Variants in TMEM178B observed in about 807,000 individuals in gnomAD.
TMEM178B encodes the protein transmembrane protein 178B.
In TMEM178B, 5 loss-of-function variants were observed where a neutral mutation model predicts 31.0. The observed-to-expected ratio is 0.16, with a 90% confidence interval of 0.08 to 0.34. The LOEUF (loss-of-function observed/expected upper bound fraction) is 0.34, where lower values mean the gene tolerates loss of function less well. Among genes scored for constraint, TMEM178B ranks in the 10% least tolerant of loss-of-function variants. The pLI, the probability that TMEM178B is intolerant of heterozygous loss-of-function variation, is 1.00. For missense variants in TMEM178B, 275 were observed against 400.3 expected (o/e 0.69, Z 2.67); for synonymous variants, 164 against 164.0 (o/e 1.00, Z 0.00).
intron 2 of TMEM178B, among the ~76,000 whole-genome samples, chr7:141,393,334 A>G (rs1258177645): frequency 6.6e-6 from 1 of 152,234 alleles, no homozygotes; most frequent in Non-Finnish European, 1.5e-5. Context: ...CACAGGAAAT[A>G]TAAAGCACTT....
intron 1 of TMEM178B, among the ~76,000 whole-genome samples, chr7:141,104,435 G>A (rs751606199): frequency 2.3e-4 from 35 of 152,246 alleles, no homozygotes; most frequent in African/African-American, 3.4e-4. Context: ...GGGCAAAGCC[G>A]GGATTCTTTC....
downstream of TMEM178B, among the ~76,000 whole-genome samples, chr7:141,485,355 T>C (rs781329263): frequency 6.6e-6 from 1 of 152,238 alleles, no homozygotes; most frequent in Non-Finnish European, 1.5e-5. Flanking sequence ...GAGCTCAAAC[T>C]TGGCACCATC....
intron 2 of TMEM178B, among the ~76,000 whole-genome samples, chr7:141,280,190 A>G (rs1433025196): frequency 6.6e-6 from 1 of 152,210 alleles, no homozygotes; most frequent in Non-Finnish European, 1.5e-5. Context: ...TTAGACCAGT[A>G]ATTAAAGCAT....
intron 1 of TMEM178B, among the ~76,000 whole-genome samples, chr7:141,168,040 A>G (rs1222796058): frequency 6.6e-6 from 1 of 152,212 alleles, no homozygotes; most frequent in Non-Finnish European, 1.5e-5. Context: ...AAGTTTATGC[A>G]TCTTTTTCAG....
chr7:141,347,261 A>G (rs1038166812), intron 2 of TMEM178B, among the ~76,000 whole-genome samples: 5 of 152,188 alleles, frequency 3.3e-5, no homozygotes, highest in South Asian at 2.1e-4. Flanking sequence ...TTGCACCATA[A>G]GGAATCTTCT....
the TMEM178B span, among the ~76,000 whole-genome samples, chr7:141,487,935 T>A: frequency 9.9e-5 from 15 of 152,276 alleles, no homozygotes; most frequent in African/African-American, 3.1e-4. Context: ...GTTCTCTTAA[T>A]CTTTTCAGCA....
At chr7:141,157,306 C>A (rs1796087224) in intron 1 of TMEM178B, among the ~76,000 whole-genome samples, 1 of 152,116 alleles carries the variant, frequency 6.6e-6, no homozygotes, top group Admixed American at 6.6e-5. Flanking sequence ...GAGAGGACCA[C>A]ACCCTTCCTC....
intron 2 of TMEM178B, among the ~76,000 whole-genome samples, chr7:141,436,256 G>A (rs573800594): frequency 6.6e-6 from 1 of 152,172 alleles, no homozygotes; most frequent in Non-Finnish European, 1.5e-5. Context: ...GACCTGTGGG[G>A]TGTTTGTTTC....
At chr7:141,425,916 C>G (rs537799632) in intron 2 of TMEM178B, among the ~76,000 whole-genome samples, 33 of 152,318 alleles carry the variant, frequency 2.2e-4, no homozygotes, top group East Asian at 1.4e-3. Context: ...ACCTTCCCCC[C>G]CTATCTCTTC....
intron 1 of TMEM178B, among the ~76,000 whole-genome samples, chr7:141,087,211 A>G (rs568147537): frequency 6.6e-6 from 1 of 152,344 alleles, no homozygotes; most frequent in African/African-American, 2.4e-5. Context: ...AAGTAGGAAC[A>G]AGAAGCATTT....
chr7:141,406,348 G>C (rs1800884309), intron 2 of TMEM178B, among the ~76,000 whole-genome samples: 2 of 152,056 alleles, frequency 1.3e-5, no homozygotes, highest in African/African-American at 4.8e-5. Flanking sequence ...TTTGTTCCCT[G>C]CCTTCCATCT....
chr7:141,379,626 A>G (rs1800280143), intron 2 of TMEM178B, among the ~76,000 whole-genome samples: 1 of 152,304 alleles, frequency 6.6e-6, no homozygotes, highest in South Asian at 2.1e-4. Flanking sequence ...ACTTTGCCCA[A>G]TAGAGGGCTG....
chr7:141,400,488 A>T (rs1266096142), intron 2 of TMEM178B, among the ~76,000 whole-genome samples: 1 of 152,024 alleles, frequency 6.6e-6, no homozygotes, highest in Non-Finnish European at 1.5e-5. Context: ...TCTTTCCTAG[A>T]ACCTCCTGTC....
intron 2 of TMEM178B, among the ~76,000 whole-genome samples, chr7:141,354,220 A>G (rs893411328): frequency 6.6e-6 from 1 of 152,202 alleles, no homozygotes; most frequent in South Asian, 2.1e-4. Flanking sequence ...TGATTTGAGT[A>G]TGAATGTATG....
At chr7:141,186,699 CTA>C (rs975832736) in intron 1 of TMEM178B, among the ~76,000 whole-genome samples, 2 of 152,224 alleles carry the variant, frequency 1.3e-5, no homozygotes, top group African/African-American at 4.8e-5. Context: ...GCATGCTTCT[CTA>C]GTTTCTAGGG....
intron 1 of TMEM178B, among the ~76,000 whole-genome samples, chr7:141,135,660 A>C (rs959005070): frequency 9.2e-5 from 14 of 152,178 alleles, no homozygotes; most frequent in Non-Finnish European, 2.1e-4. Flanking sequence ...TTAAGAAGGA[A>C]GTTAAGAAAA....
chr7:141,337,947 C>T (rs1391444974), intron 2 of TMEM178B, among the ~76,000 whole-genome samples: 1 of 152,100 alleles, frequency 6.6e-6, no homozygotes, highest in Non-Finnish European at 1.5e-5. Flanking sequence ...ACACCATTCT[C>T]CTGCCTCAGC....
At chr7:141,427,415 A>G (rs1181105772) in intron 2 of TMEM178B, among the ~76,000 whole-genome samples, 1 of 152,206 alleles carries the variant, frequency 6.6e-6, no homozygotes, top group East Asian at 1.9e-4. Context: ...TTTACAGCCA[A>G]CTGATTTTCA....
intron 2 of TMEM178B, among the ~76,000 whole-genome samples, chr7:141,282,472 A>G (rs1383920626): frequency 1.3e-5 from 2 of 152,230 alleles, no homozygotes; most frequent in African/African-American, 2.4e-5. Flanking sequence ...TTCCTTTTTT[A>G]TCTCTTTTGC....
Sources: allele counts gnomAD v4.1 joint callset (sites outside exome capture counted in the v4.1 genomes callset), GRCh38; gene constraint gnomAD v4.1.1; transcripts MANE v1.5; gene names NCBI Gene and HGNC (gene_info 2026-07-23, HGNC 2026-07-21).